The following VGLL1 variants were observed in gnomAD, a reference collection of about 807,000 sequenced individuals.
VGLL1 encodes the protein transcription cofactor vestigial-like protein 1.
VGLL1 carries 4 observed loss-of-function variants against 12.0 expected under a neutral mutation model. The ratio of observed to expected loss-of-function variants is 0.33; its 90% CI spans 0.16 to 0.76. The LOEUF (loss-of-function observed/expected upper bound fraction) is 0.76, where lower values mean the gene tolerates loss of function less well. Ranked by LOEUF, VGLL1 falls within the 30% of genes least tolerant of loss-of-function variation. The pLI, the probability that VGLL1 is intolerant of heterozygous loss-of-function variation, is 0.60. For synonymous variants in VGLL1, 87 were observed against 81.2 expected (o/e 1.07, Z -0.39); for missense variants, 204 against 208.7 (o/e 0.98, Z 0.14).
At chrX:136,532,598 T>C (rs1384497566) in intron 1 of VGLL1, among the ~76,000 whole-genome samples, 1 of 77,934 alleles carries the variant, frequency 1.3e-5, no homozygotes, top group African/African-American at 4.9e-5. Flanking sequence ...TCTTTCTTTC[T>C]TTCTTTCTTT....
chrX:136,532,645 CTTTCTTTCTTTCTTTCTT>C (rs2075827921), intron 1 of VGLL1, among the ~76,000 whole-genome samples: 2 of 77,997 alleles, frequency 2.6e-5, no homozygotes, highest in Admixed American at 1.5e-4. Flanking sequence ...TTCTTTCTTT[CTTTCTTTCTTTCTTTCTT>C]TTTCTTTCTT....
chrX:136,551,095 CT>C (rs371773957), intron 4 of VGLL1: 3,742 of 244,321 alleles, frequency 0.015, 1 homozygote, highest in Middle Eastern at 0.027. Flanking sequence ...TTCTTTCTTT[CT>C]TTTTTTTTTA....
intron 4 of VGLL1, among the ~76,000 whole-genome samples, chrX:136,551,173 G>T (rs776036797): frequency 9.1e-6 from 1 of 109,572 alleles, no homozygotes; most frequent in Non-Finnish European, 1.9e-5. Context: ...ATGAGGATGA[G>T]GATTAGCTTG....
Position 136,556,509 on chromosome X carries a change from C to A in VGLL1, c.747C>A (p.Gly249=). The A allele has an allele frequency of 8.3e-7, 1 of 1,211,045 alleles. No homozygotes were observed. The highest frequency in any genetic ancestry group is 1.8e-5 in the South Asian group (1 of 56,933). ...CACTTACACCACCAAACCACTGGGG[C>A]CACCCACATCGATACCTGCAGCATC... ...KYSLTPPNHW[G]HPHRYLQHL Residue 249 remains glycine (G), a synonymous_variant, in exon 5 of 5, where the codon GGC becomes GGA. Coordinates refer to ENST00000370634, the MANE Select transcript of VGLL1 (RefSeq NM_016267.4).
At chrX:136,536,783 G>T (rs2075841059) in intron 2 of VGLL1, among the ~76,000 whole-genome samples, 2 of 112,114 alleles carry the variant, frequency 1.8e-5, no homozygotes, top group Non-Finnish European at 3.8e-5. Context: ...GCTTAATATT[G>T]TATTTCTAGC....
chrX:136,537,605 G>A (rs1284758690), intron 2 of VGLL1, among the ~76,000 whole-genome samples: 1 of 111,385 alleles, frequency 9.0e-6, no homozygotes, highest in East Asian at 2.8e-4. Context: ...TGTTGCTCAG[G>A]CTGGAATGTG....
intron 4 of VGLL1, among the ~76,000 whole-genome samples, chrX:136,552,969 C>A (rs2075890593): frequency 9.0e-6 from 1 of 111,575 alleles, no homozygotes. Context: ...GAAAAATATA[C>A]CTTTGGGAAA....
chrX:136,534,868 G>T (rs187974362), intron 1 of VGLL1, among the ~76,000 whole-genome samples: 161 of 112,037 alleles, frequency 1.4e-3, no homozygotes, highest in Non-Finnish European at 2.5e-3. Flanking sequence ...TATGCTAGGT[G>T]CTAGGAATAA....
At chrX:136,552,760 G>A (rs1026885432) in intron 4 of VGLL1, among the ~76,000 whole-genome samples, 1 of 112,159 alleles carries the variant, frequency 8.9e-6, no homozygotes, top group Non-Finnish European at 1.9e-5. Flanking sequence ...GGCAGATGCA[G>A]TATTATCTCC....
At chrX:136,544,145 T>C (rs776952899) in intron 2 of VGLL1, among the ~76,000 whole-genome samples, 1 of 112,079 alleles carries the variant, frequency 8.9e-6, no homozygotes, top group East Asian at 2.8e-4. Flanking sequence ...TCCATGCCAT[T>C]AAATGTTCTA....
intron 4 of VGLL1, among the ~76,000 whole-genome samples, chrX:136,551,852 G>A (rs777694408): frequency 3.6e-5 from 4 of 111,149 alleles, no homozygotes; most frequent in South Asian, 7.8e-4. Flanking sequence ...AGGCCAAGGC[G>A]GGAGGAACAC....
intron 4 of VGLL1, among the ~76,000 whole-genome samples, chrX:136,555,995 G>A (rs189777630): frequency 1.8e-5 from 2 of 111,213 alleles, no homozygotes; most frequent in African/African-American, 6.5e-5. Flanking sequence ...GAGTATGAAG[G>A]ATAGAGAATA....
Position 136,535,981 on chromosome X carries a change from G to A in VGLL1, c.-25-15G>A. ...TGGTAAATAGTGCCAGTGACATTTT[G>A]CCTTTGGTCCACAGCTGTCACCTGT... On this transcript the variant is annotated splice_polypyrimidine_tract_variant and intron_variant, in intron 1 of 4. Transcript: ENST00000370634. 8.5e-7 allele frequency: 1 copy of A among 1,172,300 alleles called. No homozygotes were observed. Among genetic ancestry groups the A allele is most frequent in the Non-Finnish European group, 1.2e-6 (1 of 863,773 alleles).
chrX:136,544,249 G>A (rs1051864923), intron 2 of VGLL1, among the ~76,000 whole-genome samples: 1 of 112,047 alleles, frequency 8.9e-6, no homozygotes, highest in Non-Finnish European at 1.9e-5. Flanking sequence ...CTAATCTTTC[G>A]CTATATTATA....
chrX:136,546,459 A>G (rs992808959), intron 2 of VGLL1, among the ~76,000 whole-genome samples: 2 of 112,084 alleles, frequency 1.8e-5, no homozygotes, highest in African/African-American at 6.5e-5. Flanking sequence ...TGGGGTTAGG[A>G]CACCCTGTGC....
chrX:136,553,796 G>C (rs1370241044), intron 4 of VGLL1, among the ~76,000 whole-genome samples: 1 of 111,791 alleles, frequency 8.9e-6, no homozygotes, highest in Non-Finnish European at 1.9e-5. Flanking sequence ...CCTCATGTGG[G>C]CTGTCATGCA....
Position 136,548,964 on chromosome X carries a change from G to C in VGLL1, c.590G>C (p.Gly197Ala), listed in dbSNP as rs760080748. The C allele has an allele frequency of 8.3e-7, 1 of 1,211,835 alleles. No homozygotes were observed. Among genetic ancestry groups the C allele is most frequent in the East Asian group, 3.0e-5 (1 of 33,862 alleles). Residue 197 changes from glycine (G) to alanine (A), a missense_variant, in exon 3 of 5, where the codon GGA becomes GCA. Physicochemically the swap from Gly to Ala is moderately conservative, Grantham distance 60. Transcript: ENST00000370634. ...AATGGCAACCCTGGCCAGATAGCTG[G>C]AAGCACAGGGTTGCTCTTCAACCTG... ...RENGNPGQIA[G>A]STGLLFNLPP...
intron 4 of VGLL1, among the ~76,000 whole-genome samples, chrX:136,553,653 A>G (rs2075893306): frequency 8.9e-6 from 1 of 112,246 alleles, no homozygotes; most frequent in Non-Finnish European, 1.9e-5. Flanking sequence ...ACCTCATTTA[A>G]AAGTGAACTA....
chrX:136,545,233 C>G (rs1343024624), intron 2 of VGLL1, among the ~76,000 whole-genome samples: 1 of 111,968 alleles, frequency 8.9e-6, no homozygotes. Flanking sequence ...CTTTTAACCA[C>G]TTTCATCCTG....
Sources: allele counts gnomAD v4.1 joint callset (sites outside exome capture counted in the v4.1 genomes callset), GRCh38; gene constraint gnomAD v4.1.1; transcripts MANE v1.5; gene names NCBI Gene and HGNC (gene_info 2026-07-23, HGNC 2026-07-21).